AGL: variants seen among roughly 807,000 people sequenced by gnomAD.
The protein encoded by AGL is amylo-alpha-1,6-glucosidase and 4-alpha-glucanotransferase, also known as glycogen debranching enzyme.
In AGL, 128 loss-of-function variants were observed where a neutral mutation model predicts 199.3. That is an observed-to-expected ratio of 0.64 (90% CI 0.56 to 0.74). The LOEUF (loss-of-function observed/expected upper bound fraction) is 0.74, where lower values mean the gene tolerates loss of function less well. Among genes scored for constraint, AGL ranks in the 30% least tolerant of loss-of-function variants. The probability of loss-of-function intolerance (pLI) is 0.00; values close to 1 mark genes in which losing one functional copy is unlikely to be tolerated. For synonymous variants in AGL, 584 were observed against 594.7 expected (o/e 0.98, Z 0.26); for missense variants, 1,809 against 1,820.8 (o/e 0.99, Z 0.12).
chr1:99,897,714 C>T (rs369771969), intron 25 of AGL, among the ~76,000 whole-genome samples: 1 of 152,144 alleles, frequency 6.6e-6, no homozygotes, highest in Non-Finnish European at 1.5e-5. Flanking sequence ...TTAAGAACTT[C>T]GGCTTTACAC....
At position 99,915,448 on chromosome 1, in the gene AGL, A is replaced by G. The variant is rs1655045275; in HGVS notation, c.4221A>G (p.Lys1407=). The G allele has an allele frequency of 1.2e-6, 2 of 1,613,830 alleles. No homozygotes were observed. The highest frequency in any genetic ancestry group is 1.7e-5 in the Admixed American group (1 of 59,948). ...AWKALEIAEK[K]LLGPLGMKTL... ...AAGCTTTGGAGATTGCAGAAAAAAAATTGCTTGGTCCCCTTGGCATGAAAA... is the reference window on the plus strand; with the variant it reads ...AAGCTTTGGAGATTGCAGAAAAAAAGTTGCTTGGTCCCCTTGGCATGAAAA... Residue 1407 remains lysine (K), a synonymous_variant, in exon 31 of 34, where the codon AAA becomes AAG. Coordinates refer to ENST00000361915, the MANE Select transcript of AGL (RefSeq NM_000642.3).
intron 2 of AGL, among the ~76,000 whole-genome samples, chr1:99,856,669 G>A (rs1649494793): frequency 6.6e-6 from 1 of 151,924 alleles, no homozygotes; most frequent in Non-Finnish European, 1.5e-5. Flanking sequence ...CTGCCTCCAA[G>A]CATCTGTTTA....
In AGL at chr1:99,922,160, A is replaced by G. The variant is rs1655555701; in HGVS notation, c.*509A>G. On this transcript the variant is annotated 3_prime_UTR_variant, in exon 34 of 34. Transcript: ENST00000361915. ...TGATAGAAGTTTCCATCTACAATATATGTTCCTAAATGGAGCACAGATGTT... is the reference window on the plus strand; with the variant it reads ...TGATAGAAGTTTCCATCTACAATATGTGTTCCTAAATGGAGCACAGATGTT... 1 of 152,034 alleles carries G rather than the reference A, an allele frequency of 6.6e-6. No homozygotes were observed. Among genetic ancestry groups the G allele is most frequent in the Non-Finnish European group, 1.5e-5 (1 of 67,952 alleles). 9.4% of individuals were successfully genotyped at this position (152,034 alleles called of 1,614,324 possible). A position where few individuals can be genotyped will look rare whatever the true frequency, so the allele number is the denominator to read the frequency against.
chr1:99,891,377 G>A (rs527583409), intron 22 of AGL, 21 bp downstream of exon 22: 27 of 1,612,646 alleles, frequency 1.7e-5, no homozygotes, highest in South Asian at 7.7e-5. Flanking sequence ...CTATATTATC[G>A]TCCCAAAAAA....
At chr1:99,920,058 A>G (rs565343670) in intron 33 of AGL, among the ~76,000 whole-genome samples, 1 of 152,352 alleles carries the variant, frequency 6.6e-6, no homozygotes, top group South Asian at 2.1e-4. Flanking sequence ...GTATGGATAC[A>G]TTCCATGTCC....
rs780025251 is a variant in AGL at position 99,888,014 on chromosome 1, G to A, written c.2718G>A (p.Gln906=). The A allele has an allele frequency of 1.2e-6, 2 of 1,613,472 alleles. No individual in the cohort carries two copies. The highest frequency in any genetic ancestry group is 2.2e-5 in the South Asian group (2 of 91,074). The change falls in exon 21 of 34, where the codon CAG becomes CAA. Residue 906 remains glutamine, a synonymous_variant. Coordinates refer to ENST00000361915, the MANE Select transcript of AGL (RefSeq NM_000642.3). ...GATTAACTTTGGCTGAGCTAAATCA[G>A]ATCCTTTACCGATGTGAATCAGAAG... ...ASRLTLAELN[Q]ILYRCESEEK...
chr1:99,892,341 G>C, intron 23 of AGL, 91 bp from the exon 24 acceptor site: 1 of 1,202,656 alleles, frequency 8.3e-7, no homozygotes. Context: ...GATTTGTATA[G>C]AAAAATCATT....
intron 27 of AGL, 137 bp downstream of exon 27, chr1:99,902,931 A>G: frequency 1.5e-6 from 1 of 676,484 alleles, no homozygotes; most frequent in East Asian, 3.0e-5. Context: ...TCCTGATCTC[A>G]CCAAGTTTTT....
chr1:99,854,890 A>G (rs1278245905), intron 2 of AGL, among the ~76,000 whole-genome samples: 1 of 151,598 alleles, frequency 6.6e-6, no homozygotes, highest in Non-Finnish European at 1.5e-5. Context: ...AAAAGGATTG[A>G]ACAGCCTGAG....
intron 1 of AGL, chr1:99,850,766 G>A (rs1571205626): frequency 1.2e-5 from 5 of 429,366 alleles, no homozygotes; most frequent in Non-Finnish European, 2.1e-5. Context: ...CTGTAATACA[G>A]CATTTTTATT....
intron 17 of AGL, 73 bp from the exon 18 acceptor site, chr1:99,884,047 A>C (rs1355303967): frequency 7.7e-7 from 1 of 1,300,476 alleles, no homozygotes; most frequent in African/African-American, 1.5e-5. Flanking sequence ...AAATGATTTG[A>C]AACCACTTTA....
intron 25 of AGL, among the ~76,000 whole-genome samples, chr1:99,897,063 C>T (rs1426330767): frequency 6.6e-6 from 1 of 152,192 alleles, no homozygotes; most frequent in Non-Finnish European, 1.5e-5. Context: ...GATTTGCCTG[C>T]CTCGGCCTCC....
chr1:99,849,642 T>C (rs879763938), upstream of AGL, among the ~76,000 whole-genome samples: 5 of 152,194 alleles, frequency 3.3e-5, no homozygotes, highest in Non-Finnish European at 7.3e-5. Flanking sequence ...CTGTTAGCAC[T>C]AGAAGTGATG....
At position 99,884,253 on chromosome 1, in the gene AGL, G is replaced by T; in HGVS notation, c.2433+9G>T. ...TTAGAGAACATATTCAGGTATTTGG[G>T]ACTCTCATCTTACTACTGTGTTTAG... On this transcript the variant is annotated intron_variant, in intron 18 of 33. Coordinates refer to ENST00000361915, the MANE Select transcript of AGL (RefSeq NM_000642.3). 1.2e-6 allele frequency: 2 copies of T among 1,612,938 alleles called. No individual in the cohort carries two copies. The highest frequency in any genetic ancestry group is 8.5e-7 in the Non-Finnish European group (1 of 1,179,290).
intron 21 of AGL, among the ~76,000 whole-genome samples, chr1:99,890,857 T>C (rs920520706): frequency 6.6e-6 from 1 of 151,274 alleles, no homozygotes; most frequent in Non-Finnish European, 1.5e-5. Context: ...TACAGGCTTA[T>C]TACTTTTCTT....
At chr1:99,907,709 G>T in intron 27 of AGL, among the ~76,000 whole-genome samples, 1 of 25,512 alleles carries the variant, frequency 3.9e-5, no homozygotes, top group Non-Finnish European at 1.0e-4. Context: ...TTTGCTAGTA[G>T]CCATCCTAAA....
intron 21 of AGL, 71 bp downstream of exon 21, chr1:99,888,179 A>G (rs936066569): frequency 5.0e-6 from 8 of 1,587,644 alleles, no homozygotes; most frequent in Non-Finnish European, 6.0e-6. Flanking sequence ...CTTTACAGAC[A>G]TAGATATAGG....
chr1:99,850,702 G>A (rs1648880615), intron 1 of AGL: 1 of 300,214 alleles, frequency 3.3e-6, no homozygotes, highest in Non-Finnish European at 6.3e-6. Context: ...TTTCCTAAGT[G>A]TATTGCTTTT....
At chr1:99,857,922 A>G (rs1649701585) in intron 2 of AGL, among the ~76,000 whole-genome samples, 2 of 151,338 alleles carry the variant, frequency 1.3e-5, no homozygotes, top group African/African-American at 4.9e-5. Context: ...TATGTTAGCA[A>G]CATTGAATTA....
Sources: gnomAD v4.1 joint callset for allele counts (sites outside exome capture counted in the v4.1 genomes callset) on GRCh38, gnomAD v4.1.1 for gene constraint, MANE v1.5 for transcripts, NCBI Gene and HGNC (gene_info 2026-07-23, HGNC 2026-07-21) for gene names.